CTNND2: variants seen among roughly 807,000 people sequenced by gnomAD.
The protein encoded by CTNND2 is catenin delta 2.
In CTNND2, 22 loss-of-function variants were observed where a neutral mutation model predicts 144.4. The observed-to-expected ratio is 0.15, with a 90% CI of 0.11 to 0.22. The LOEUF (loss-of-function observed/expected upper bound fraction) is 0.22, where lower values mean the gene tolerates loss of function less well. Ranked by LOEUF, CTNND2 falls within the 10% of genes least tolerant of loss-of-function variation. The probability of loss-of-function intolerance (pLI) is 1.00; values close to 1 mark genes in which losing one functional copy is unlikely to be tolerated. For synonymous variants in CTNND2, 751 were observed against 695.6 expected (o/e 1.08, Z -1.25); for missense variants, 1,353 against 1,618.8 (o/e 0.84, Z 2.82).
chr5:11,285,425 T>C (rs905908482), intron 9 of CTNND2, among the ~76,000 whole-genome samples: 7 of 152,280 alleles, frequency 4.6e-5, no homozygotes, highest in South Asian at 2.1e-4. Context: ...AGTCTAAAAG[T>C]GTTCCTGAAA....
chr5:11,662,220 T>C (rs1392593883), intron 2 of CTNND2, among the ~76,000 whole-genome samples: 1 of 136,492 alleles, frequency 7.3e-6, no homozygotes, highest in Non-Finnish European at 1.5e-5. Context: ...TATATACATA[T>C]ATGTGTATAT....
Position 11,903,895 on chromosome 5 carries a change from G to C in CTNND2, c.-42C>G. 5 of 1,410,122 alleles carry C rather than the reference G, an allele frequency of 3.5e-6. No individual in the cohort carries two copies. Among genetic ancestry groups the C allele is most frequent in the Middle Eastern group, 1.9e-4 (1 of 5,404 alleles). The allele number at this position is 1,410,122 out of a possible 1,614,324, so 87.4% of individuals were successfully genotyped here. A position where few individuals can be genotyped will look rare whatever the true frequency, so the allele number is the denominator to read the frequency against. ...ACAGCTCCTCAGTCCGGGAAGAGGC[G>C]TGCGCGGCGCCGCCCGGCTTCAGGG... On this transcript the variant is annotated 5_prime_UTR_variant, in exon 1 of 22. Coordinates refer to ENST00000304623, the MANE Select transcript of CTNND2 (RefSeq NM_001332.4). This position sits in a 1 kb window ranked among gnomAD's most constrained non-coding sequence, Gnocchi z 5.4.
chr5:11,098,907 C>T (rs916901969), intron 14 of CTNND2, among the ~76,000 whole-genome samples, 159 bp from the exon 15 acceptor site: 2 of 152,118 alleles, frequency 1.3e-5, no homozygotes, highest in African/African-American at 4.8e-5. Flanking sequence ...CCAGGGATCA[C>T]TAAAAGTGGA....
At chr5:11,421,641 C>T (rs970767637) in intron 3 of CTNND2, among the ~76,000 whole-genome samples, 2 of 152,086 alleles carry the variant, frequency 1.3e-5, no homozygotes, top group Non-Finnish European at 1.5e-5. Context: ...AAAAAAATAC[C>T]CAGGCATGGC....
chr5:11,050,288 G>GA (rs1326054581), intron 16 of CTNND2, among the ~76,000 whole-genome samples: 3 of 152,160 alleles, frequency 2.0e-5, no homozygotes, highest in African/African-American at 7.2e-5. Context: ...AGGTCCCAGT[G>GA]AAAAGAGGTC....
chr5:11,005,503 TG>T (rs1229761785), intron 18 of CTNND2, among the ~76,000 whole-genome samples: 1 of 151,988 alleles, frequency 6.6e-6, no homozygotes, highest in African/African-American at 2.4e-5. Flanking sequence ...CAGATGATGA[TG>T]GAAGTAAGGA....
At chr5:11,894,630 T>A (rs934609056) in intron 1 of CTNND2, among the ~76,000 whole-genome samples, 4 of 152,248 alleles carry the variant, frequency 2.6e-5, no homozygotes, top group Non-Finnish European at 5.9e-5. Flanking sequence ...AAATGTTTAT[T>A]ATGATTAAGC....
chr5:11,572,522 GCT>G (rs1400538417), intron 2 of CTNND2, among the ~76,000 whole-genome samples: 5 of 152,054 alleles, frequency 3.3e-5, no homozygotes, highest in African/African-American at 9.7e-5. Flanking sequence ...ACCTGTTCCT[GCT>G]GGTGGCTCCA....
At chr5:11,671,826 G>A (rs1035786824) in intron 2 of CTNND2, among the ~76,000 whole-genome samples, 10 of 152,088 alleles carry the variant, frequency 6.6e-5, no homozygotes, top group East Asian at 1.9e-4. Flanking sequence ...CCTTGCTGGC[G>A]AGGAGCTGTG....
intron 3 of CTNND2, among the ~76,000 whole-genome samples, chr5:11,442,895 T>TATATATTTATATATTTATA (rs1412421791): frequency 1.4e-5 from 2 of 147,182 alleles, no homozygotes; most frequent in Admixed American, 6.8e-5. Flanking sequence ...ATATTTATTA[T>TATATATTTATATATTTATA]ATATTAGTGA....
chr5:11,342,396 G>T (rs995918813), intron 9 of CTNND2, among the ~76,000 whole-genome samples: 11 of 152,174 alleles, frequency 7.2e-5, no homozygotes. Flanking sequence ...GACTGAAAGT[G>T]CAGCTGCTAT....
intron 9 of CTNND2, among the ~76,000 whole-genome samples, chr5:11,315,941 A>C (rs1308230728): frequency 2.0e-5 from 3 of 152,210 alleles, no homozygotes; most frequent in Non-Finnish European, 4.4e-5. Context: ...GTGACTAAAA[A>C]GGACAACTTT....
intron 3 of CTNND2, among the ~76,000 whole-genome samples, chr5:11,486,341 A>G (rs373749323): frequency 9.8e-5 from 15 of 152,320 alleles, no homozygotes; most frequent in African/African-American, 2.9e-4. Context: ...ACACTAGGTG[A>G]TAATATCCAG....
chr5:11,455,884 A>T (rs1765694153), intron 3 of CTNND2, among the ~76,000 whole-genome samples: 1 of 152,226 alleles, frequency 6.6e-6, no homozygotes, highest in African/African-American at 2.4e-5. Context: ...TTGAGAAATA[A>T]CACAAGATTA....
intron 10 of CTNND2, among the ~76,000 whole-genome samples, chr5:11,209,236 A>T (rs1486465985): frequency 6.6e-6 from 1 of 152,206 alleles, no homozygotes; most frequent in African/African-American, 2.4e-5. Context: ...GCAAGCAATA[A>T]AAAGTAAGAC....
chr5:11,571,578 G>T (rs564873055), intron 2 of CTNND2, among the ~76,000 whole-genome samples: 41 of 152,142 alleles, frequency 2.7e-4, no homozygotes, highest in African/African-American at 8.9e-4. Flanking sequence ...TTGGCATGGT[G>T]GGGTAGGGGA....
rs890483903 is a variant in CTNND2, at chr5:11,454,420, T to TA, written c.288-42352dup. Among the ~76,000 whole-genome samples, 70 of 148,066 alleles carry TA rather than the reference T, an allele frequency of 4.7e-4. 1 individual carries two copies. The highest frequency in any genetic ancestry group is 1.3e-3 in the African/African-American group (51 of 40,428). On this transcript the variant is annotated intron_variant, in intron 3 of 21. Coordinates refer to ENST00000304623, the MANE Select transcript of CTNND2 (RefSeq NM_001332.4). ...GGTGACAGAGCGAGACTCCGTCTAA[T>TA]AAAAAAAAAATAAGTAAATAATAAA...
intron 3 of CTNND2, among the ~76,000 whole-genome samples, chr5:11,433,237 C>G (rs1164577755): frequency 7.2e-6 from 1 of 138,820 alleles, no homozygotes; most frequent in Non-Finnish European, 1.5e-5. Flanking sequence ...CAGAGCAAGA[C>G]TCTGTCTCAC....
At chr5:11,621,174 T>C (rs945058982) in intron 2 of CTNND2, among the ~76,000 whole-genome samples, 20 of 152,202 alleles carry the variant, frequency 1.3e-4, no homozygotes, top group Non-Finnish European at 2.5e-4. Flanking sequence ...TAAAACATTA[T>C]GGAAAATAAG....
Sources: gnomAD v4.1 joint callset for allele counts (sites outside exome capture counted in the v4.1 genomes callset) on GRCh38, gnomAD v4.1.1 for gene constraint, Gnocchi (gnomAD v3.1) non-coding constraint, MANE v1.5 for transcripts, NCBI Gene and HGNC (gene_info 2026-07-23, HGNC 2026-07-21) for gene names.